The following NUDT9 variants were observed in gnomAD, a reference collection of about 807,000 sequenced individuals.
NUDT9 encodes nudix hydrolase 9, also known as ADP-ribose pyrophosphatase.
In NUDT9, 31 loss-of-function variants were observed where a neutral mutation model predicts 41.0. That is an observed-to-expected ratio of 0.76 (90% CI 0.57 to 1.02). NUDT9 has a LOEUF of 1.02. NUDT9 is among the 50% of genes least tolerant of loss of function. The pLI is 0.00. For synonymous variants in NUDT9, 146 were observed against 147.6 expected, an observed-to-expected ratio of 0.99 and a Z score of 0.08; for missense variants, 380 against 431.4, an observed-to-expected ratio of 0.88 and a Z score of 1.06.
rs1208601465 is a variant in NUDT9, at chr4:87,457,933, C to G, written c.965C>G (p.Ala322Gly). The G allele has an allele frequency of 6.2e-7, 1 of 1,602,984 alleles. No homozygotes were observed. Among genetic ancestry groups the G allele is most frequent in the Non-Finnish European group, 8.5e-7 (1 of 1,176,240 alleles). ...ATCAATGATAAACTGAAGCTTTATG[C>G]CAGTCACTCTCAATTCATCAAACTT... The part of the protein sequence containing the change: ...VDINDKLKLY[A>G]SHSQFIKLVA... Residue 322 changes from alanine to glycine, a missense_variant, in exon 8 of 8, where the codon GCC (alanine) becomes GGC (glycine). By Grantham distance (60) the Ala-to-Gly change is moderately conservative. Coordinates refer to ENST00000302174, the MANE Select transcript of NUDT9 (RefSeq NM_024047.5).
intron 7 of NUDT9, among the ~76,000 whole-genome samples, chr4:87,455,658 C>CTT (rs535251267): frequency 7.7e-6 from 1 of 130,416 alleles, no homozygotes. Flanking sequence ...TTTCTTTTTT[C>CTT]TTTTTTTTTT....
At chr4:87,427,394 C>T (rs570391337) in intron 1 of NUDT9, among the ~76,000 whole-genome samples, 1 of 152,266 alleles carries the variant, frequency 6.6e-6, no homozygotes, top group Non-Finnish European at 1.5e-5. Flanking sequence ...AAATATATTT[C>T]TTGCACTTGT....
intron 3 of NUDT9, among the ~76,000 whole-genome samples, chr4:87,439,271 A>G (rs1722093362): frequency 6.6e-6 from 1 of 152,178 alleles, no homozygotes; most frequent in Non-Finnish European, 1.5e-5. Flanking sequence ...ACCTACTGTC[A>G]TGGTGGAAGG....
intron 7 of NUDT9, among the ~76,000 whole-genome samples, chr4:87,456,239 G>T (rs1722986296): frequency 6.6e-6 from 1 of 152,096 alleles, no homozygotes; most frequent in African/African-American, 2.4e-5. Flanking sequence ...AGAGGAAGGG[G>T]AATCATAGGA....
intron 3 of NUDT9, among the ~76,000 whole-genome samples, chr4:87,441,106 A>G (rs144036757): frequency 2.0e-5 from 3 of 152,338 alleles, no homozygotes; most frequent in African/African-American, 4.8e-5. Flanking sequence ...TTACTTTCAT[A>G]TAGTGGGAGG....
chr4:87,446,525 T>A (rs1352115430), intron 4 of NUDT9, among the ~76,000 whole-genome samples: 5 of 152,218 alleles, frequency 3.3e-5, no homozygotes, highest in African/African-American at 1.2e-4. Flanking sequence ...GGGCCACTGC[T>A]CCTGGCCGTC....
chr4:87,458,379 G>C lies in NUDT9; in HGVS notation c.*358G>C, dbSNP rs115581240. On this transcript the variant is annotated 3_prime_UTR_variant, in exon 8 of 8. Coordinates refer to ENST00000302174, the MANE Select transcript of NUDT9 (RefSeq NM_024047.5). The stretch of plus-strand genomic sequence containing the variant: ...TTTCATCTAGTTCTTGTTTGTCAAT[G>C]CCTTCCCTCCCGCTCCCCATCTTCT... The C allele has an allele frequency of 8.3e-3, 1,336 of 161,082 alleles. 13 individuals are homozygous for C. The highest frequency in any genetic ancestry group is 0.03 in the African/African-American group (1,254 of 41,928). The allele number at this position is 161,082 out of a possible 1,614,324, so 10.0% of individuals were successfully genotyped here.
Position 87,451,603 on chromosome 4 carries a change from A to C in NUDT9, c.657A>C (p.Pro219=). The C allele has an allele frequency of 6.2e-7, 1 of 1,613,542 alleles. No individual in the cohort carries two copies. The change falls in exon 6 of 8, where the codon CCA becomes CCC. Residue 219 remains proline, a synonymous_variant. Coordinates refer to ENST00000302174, the MANE Select transcript of NUDT9 (RefSeq NM_024047.5). The stretch of plus-strand genomic sequence containing the variant: ...GTGACTCTTAGGGGATGGTGGATCC[A>C]GGAGAGAAGATTAGTGCCACACTGA... ...EWAIPGGMVD[P]GEKISATLKR...
Position 87,458,223 on chromosome 4 carries a change from A to G in NUDT9, c.*202A>G, listed in dbSNP as rs1723074694. 1 of 415,514 alleles carries G rather than the reference A, an allele frequency of 2.4e-6. No homozygotes were observed. The highest frequency in any genetic ancestry group is 3.7e-5 in the East Asian group (1 of 27,152). The allele number at this position is 415,514 out of a possible 1,614,324, so 25.7% of individuals were successfully genotyped here. The stretch of plus-strand genomic sequence containing the variant: ...CACAAAATTTTCAGCTCTTTGGTCA[A>G]AAGGAATATAAGTAATCATATTTTG... On this transcript the variant is annotated 3_prime_UTR_variant, in exon 8 of 8. Coordinates refer to ENST00000302174, the MANE Select transcript of NUDT9 (RefSeq NM_024047.5).
intron 2 of NUDT9, 84 bp from the exon 3 acceptor site, chr4:87,438,193 T>C (rs996031581): frequency 1.5e-6 from 1 of 685,166 alleles, no homozygotes; most frequent in African/African-American, 1.8e-5. Context: ...ATACTTCTTA[T>C]GGATAACAGA....
At chr4:87,427,803 A>AT (rs1240354886) in intron 1 of NUDT9, among the ~76,000 whole-genome samples, 1 of 152,188 alleles carries the variant, frequency 6.6e-6, no homozygotes, top group Admixed American at 6.5e-5. Context: ...AACATAACTC[A>AT]TTTTGTGATA....
intron 2 of NUDT9, 47 bp downstream of exon 2, chr4:87,435,267 G>C: frequency 1.3e-6 from 2 of 1,542,878 alleles, no homozygotes; most frequent in Non-Finnish European, 1.7e-6. Context: ...TTTTAGAGAA[G>C]GTAATGGTTT....
chr4:87,455,515 T>C (rs911008938), intron 7 of NUDT9, among the ~76,000 whole-genome samples: 31 of 152,300 alleles, frequency 2.0e-4, no homozygotes, highest in Middle Eastern at 3.4e-3. Flanking sequence ...ACCCTATCTT[T>C]TTCTCTCTTT....
At position 87,422,973 on chromosome 4, in the gene NUDT9, C is replaced by CT; in HGVS notation, c.69dup (p.Ile24TyrfsTer24). Reference sequence around the variant, plus strand: ...CTCTCTCTGGCCTTGGCCTCTGTGACTATCAGGTCCTCGCGCTGCCGCGGC... The same window carrying CT: ...CTCTCTCTGGCCTTGGCCTCTGTGACTTATCAGGTCCTCGCGCTGCCGCGGC... On this transcript the variant is annotated frameshift_variant, in exon 1 of 8. Coordinates refer to ENST00000302174, the MANE Select transcript of NUDT9 (RefSeq NM_024047.5). LOFTEE classifies it high-confidence loss of function. 1 of 1,613,262 alleles carries CT rather than the reference C, an allele frequency of 6.2e-7. No homozygotes were observed. The highest frequency in any genetic ancestry group is 8.5e-7 in the Non-Finnish European group (1 of 1,179,740).
rs1723093261 is a variant in NUDT9, at chr4:87,458,753, G to T, written c.*732G>T. The stretch of plus-strand genomic sequence containing the variant: ...TGAAACTACTATATGTTGTAAATTA[G>T]TTAAAAATGGATGTTCAGAAAAGAA... On this transcript the variant is annotated 3_prime_UTR_variant, in exon 8 of 8. Transcript: ENST00000302174. 6.6e-6 allele frequency: 1 copy of T among 152,138 alleles called. No individual in the cohort carries two copies. Among genetic ancestry groups the T allele is most frequent in the Non-Finnish European group, 1.5e-5 (1 of 68,022 alleles). The allele number at this position is 152,138 out of a possible 1,614,324, so 9.4% of individuals were successfully genotyped here. A position where few individuals can be genotyped will look rare whatever the true frequency, so the allele number is the denominator to read the frequency against.
At chr4:87,454,329 A>G in intron 6 of NUDT9, 42 bp from the exon 7 acceptor site, 1 of 1,129,312 alleles carries the variant, frequency 8.9e-7, no homozygotes, top group East Asian at 2.3e-5. Context: ...TGTACTCACT[A>G]CACCTTGGAC....
chr4:87,442,891 C>T (rs529517550), intron 4 of NUDT9, among the ~76,000 whole-genome samples: 8 of 152,292 alleles, frequency 5.3e-5, no homozygotes, highest in Non-Finnish European at 7.4e-5. Context: ...TCTTGAATAT[C>T]TCCTGAATGA....
chr4:87,429,398 C>T (rs1326727127), intron 1 of NUDT9, among the ~76,000 whole-genome samples: 1 of 152,074 alleles, frequency 6.6e-6, no homozygotes, highest in Non-Finnish European at 1.5e-5. Flanking sequence ...AAGCAGTCCC[C>T]CTGCCTTGGC....
intron 1 of NUDT9, among the ~76,000 whole-genome samples, chr4:87,425,607 C>G (rs1169591703): frequency 6.7e-6 from 1 of 149,250 alleles, no homozygotes; most frequent in Non-Finnish European, 1.5e-5. Context: ...TTTGGCCAGG[C>G]TGGTTTCGAA....
Sources: allele counts gnomAD v4.1 joint callset (sites outside exome capture counted in the v4.1 genomes callset), GRCh38; gene constraint gnomAD v4.1.1; transcripts MANE v1.5; gene names NCBI Gene and HGNC (gene_info 2026-07-23, HGNC 2026-07-21).